The following OSMR variants were observed in gnomAD, a reference collection of about 807,000 sequenced individuals.
OSMR encodes oncostatin-M-specific receptor subunit beta.
OSMR carries 81 observed loss-of-function variants against 99.9 expected under a neutral mutation model. The observed-to-expected ratio is 0.81, with a 90% CI of 0.68 to 0.97. The LOEUF is 0.97. Among genes scored for constraint, OSMR ranks in the 50% least tolerant of loss-of-function variants. The pLI is 0.00. For synonymous variants in OSMR, 406 were observed against 410.4 expected, an observed-to-expected ratio of 0.99 and a Z score of 0.13; for missense variants, 1,099 against 1,153.4, an observed-to-expected ratio of 0.95 and a Z score of 0.68.
chr5:38,929,393 T>A (rs1052339981), intron 15 of OSMR, among the ~76,000 whole-genome samples: 39 of 152,228 alleles, frequency 2.6e-4, no homozygotes, highest in African/African-American at 8.7e-4. Flanking sequence ...CCAGACCAAC[T>A]GTAATTTGTG....
At chr5:38,883,698 A>G (rs1251945347) in intron 4 of OSMR, 129 bp from the exon 5 acceptor site, 19 of 1,551,470 alleles carry the variant, frequency 1.2e-5, no homozygotes, top group Non-Finnish European at 1.6e-5. Flanking sequence ...TGGCAGAGAA[A>G]TTTAGGTTGC....
At chr5:38,911,933 A>G (rs913313487) in intron 9 of OSMR, among the ~76,000 whole-genome samples, 3 of 152,228 alleles carry the variant, frequency 2.0e-5, no homozygotes, top group Non-Finnish European at 4.4e-5. Flanking sequence ...GCCTAGATCT[A>G]TGACAAATCC....
chr5:38,885,201 G>A (rs1743616846), intron 5 of OSMR, 148 bp from the exon 6 acceptor site: 2 of 1,492,288 alleles, frequency 1.3e-6, no homozygotes, highest in Admixed American at 2.2e-5. Flanking sequence ...AGTGACTTTT[G>A]GAGGCTGTTG....
chr5:38,921,825 C>T, intron 12 of OSMR, 31 bp downstream of exon 12: 1 of 1,541,468 alleles, frequency 6.5e-7, no homozygotes, highest in South Asian at 1.1e-5. Flanking sequence ...CATCGCATTG[C>T]TATATTCACC....
At position 38,923,215 on chromosome 5, in the gene OSMR, T is replaced by A. The variant is rs1746316642; in HGVS notation, c.1831T>A (p.Cys611Ser). Residue 611 changes from cysteine (C) to serine (S), a missense_variant, in exon 13 of 18, where the codon TGT becomes AGT. Cys to Ser is a moderately radical substitution (Grantham distance 112, BLOSUM62 -1). Coordinates refer to ENST00000274276, the MANE Select transcript of OSMR (RefSeq NM_003999.3). ...TGGGTTATCTACAAAAAGGATTGCT[T>A]GTTTATTAGAGAAAAAAACAGGATA... ...IYGLSTKRIA[C>S]LLEKKTGYSQ... 6.2e-7 allele frequency: 1 copy of A among 1,612,110 alleles called. No individual in the cohort carries two copies. Among genetic ancestry groups the A allele is most frequent in the African/African-American group, 1.3e-5 (1 of 74,872 alleles).
At chr5:38,852,717 C>CTTTTTTT (rs1740491359) in intron 1 of OSMR, among the ~76,000 whole-genome samples, 4 of 57,424 alleles carry the variant, frequency 7.0e-5, no homozygotes, top group Admixed American at 2.3e-4. Flanking sequence ...CTATTGTTTT[C>CTTTTTTT]ATTTTTTTTT....
chr5:38,881,721 G>T lies in OSMR; in HGVS notation c.375G>T (p.Glu125Asp), dbSNP rs1476706708. 6.2e-7 allele frequency: 1 copy of T among 1,614,204 alleles called. No homozygotes were observed. Among genetic ancestry groups the T allele is most frequent in the East Asian group, 2.2e-5 (1 of 44,882 alleles). Reference sequence around the variant, plus strand: ...TGGTGGACGATGCCAAGTTCCCTGAGCCAAATTTCTGGAGCAACTGGAGTT... The same window carrying T: ...TGGTGGACGATGCCAAGTTCCCTGATCCAAATTTCTGGAGCAACTGGAGTT... ...KSLVDDAKFP[E>D]PNFWSNWSSW... Residue 125 changes from glutamate to aspartate, a missense_variant, in exon 4 of 18, where the codon GAG becomes GAT. Transcript: ENST00000274276.
In OSMR at chr5:38,885,362, G is replaced by A. The variant is rs372912584; in HGVS notation, c.717G>A (p.Glu239=). 1 of 1,613,842 alleles carries A rather than the reference G, an allele frequency of 6.2e-7. No homozygotes were observed. Among genetic ancestry groups the A allele is most frequent in the Non-Finnish European group, 8.5e-7 (1 of 1,179,820 alleles). The change falls in exon 6 of 18, where the codon GAG becomes GAA. Residue 239 remains glutamate, a synonymous_variant. Transcript: ENST00000274276. ...TTGTATGGACAGAAGTACTTGAGGA[G>A]CCCAAGGACTTTTCTTGTGAAACCG... is the stretch of plus-strand genomic sequence containing the variant. ...IVLFVSKVLE[E]PKDFSCETED... is the part of the protein sequence containing the mutation.
chr5:38,886,423 A>C, intron 7 of OSMR: 3 of 1,170,382 alleles, frequency 2.6e-6, no homozygotes, highest in Non-Finnish European at 3.3e-6. Flanking sequence ...CAACTTCAAA[A>C]CTAGGACTCT....
chr5:38,862,937 G>C (rs528143402), intron 1 of OSMR, among the ~76,000 whole-genome samples: 1 of 152,004 alleles, frequency 6.6e-6, no homozygotes, highest in African/African-American at 2.4e-5. Context: ...CGAGGCTGGC[G>C]GATCAGTCGC....
chr5:38,884,083 C>CA lies in OSMR; in HGVS notation c.676dup (p.Met226AsnfsTer13), dbSNP rs1312685297. The CA allele has an allele frequency of 1.2e-6, 2 of 1,613,670 alleles. No homozygotes were observed. The highest frequency in any genetic ancestry group is 1.3e-5 in the African/African-American group (1 of 74,904). The stretch of plus-strand genomic sequence containing the variant: ...CAAGTCAAGGAAATGTCAGTGAAGG[C>CA]ATGAAAGGCATCGTTCTTTTTGTCT... On this transcript the variant is annotated frameshift_variant, in exon 5 of 18. Coordinates refer to ENST00000274276, the MANE Select transcript of OSMR (RefSeq NM_003999.3). LOFTEE classifies it high-confidence loss of function.
intron 1 of OSMR, chr5:38,943,167 T>TTC: frequency 2.4e-6 from 1 of 415,234 alleles, no homozygotes; most frequent in Non-Finnish European, 4.3e-6. Flanking sequence ...GGTTTTTTTT[T>TTC]AAAAAAAATG....
At chr5:38,944,574 A>G in intron 2 of OSMR, 1 of 1,583,844 alleles carries the variant, frequency 6.3e-7, no homozygotes, top group Non-Finnish European at 8.6e-7. Context: ...TAACACCTGA[A>G]AAGATTTCAG....
chr5:38,888,126 C>T (rs778243813), intron 7 of OSMR, among the ~76,000 whole-genome samples: 2 of 152,136 alleles, frequency 1.3e-5, no homozygotes, highest in Non-Finnish European at 2.9e-5. Flanking sequence ...AGAATAGTGG[C>T]TGCTTATAAG....
At chr5:38,868,610 A>G (rs1348174601) in intron 1 of OSMR, among the ~76,000 whole-genome samples, 1 of 152,166 alleles carries the variant, frequency 6.6e-6, no homozygotes, top group African/African-American at 2.4e-5. Flanking sequence ...ACCTCCTGCC[A>G]TGATTCTGGG....
chr5:38,888,758 A>G (rs1743965361), intron 7 of OSMR, among the ~76,000 whole-genome samples: 1 of 152,130 alleles, frequency 6.6e-6, no homozygotes, highest in African/African-American at 2.4e-5. Flanking sequence ...CCACAAGTAT[A>G]TATGTTTAAT....
At chr5:38,931,219 T>G (rs548998693) in intron 15 of OSMR, among the ~76,000 whole-genome samples, 2 of 152,308 alleles carry the variant, frequency 1.3e-5, no homozygotes, top group South Asian at 2.1e-4. Flanking sequence ...CTAGTCAATT[T>G]TTGATGTGTA....
At chr5:38,892,223 C>A (rs905901751) in intron 7 of OSMR, among the ~76,000 whole-genome samples, 1 of 152,170 alleles carries the variant, frequency 6.6e-6, no homozygotes, top group African/African-American at 2.4e-5. Context: ...CATAGCCTAA[C>A]CTCCCTGCCA....
chr5:38,919,451 T>C (rs1316610957), intron 11 of OSMR: 1 of 875,478 alleles, frequency 1.1e-6, no homozygotes, highest in East Asian at 6.2e-5. Context: ...TGTCAGTCTT[T>C]GCACCTGGAA....
Sources: allele counts gnomAD v4.1 joint callset (sites outside exome capture counted in the v4.1 genomes callset), GRCh38; gene constraint gnomAD v4.1.1; transcripts MANE v1.5; gene names NCBI Gene and HGNC (gene_info 2026-07-23, HGNC 2026-07-21).